MTAP: variants seen among roughly 807,000 people sequenced by gnomAD.
The protein encoded by MTAP is methylthioadenosine phosphorylase.
Under a neutral mutation model 33.6 loss-of-function variants are expected in MTAP, and 33 were observed. The observed-to-expected ratio is 0.98, with a 90% CI of 0.74 to 1.31. The LOEUF (loss-of-function observed/expected upper bound fraction) is 1.31. Ranked by LOEUF, MTAP falls within the 40% of genes most tolerant of loss-of-function variation. The pLI is 0.00. For synonymous variants in MTAP, 148 were observed against 125.7 expected, an observed-to-expected ratio of 1.18 and a Z score of -1.19; for missense variants, 367 against 360.0, an observed-to-expected ratio of 1.02 and a Z score of -0.16.
At chr9:21,831,347 T>G (rs1824961651) in intron 4 of MTAP, among the ~76,000 whole-genome samples, 1 of 152,190 alleles carries the variant, frequency 6.6e-6, no homozygotes, top group African/African-American at 2.4e-5. Flanking sequence ...ATTTTTTTGT[T>G]GTTTTTTTAG....
chr9:21,909,585 G>C (rs1818534770), intron 1 of MTAP, among the ~76,000 whole-genome samples: 1 of 152,110 alleles, frequency 6.6e-6, no homozygotes, highest in South Asian at 2.1e-4. Context: ...TTATGAATTT[G>C]TTGTGTAAGA....
intron 5 of MTAP, among the ~76,000 whole-genome samples, chr9:21,850,065 T>A (rs1825475025): frequency 6.6e-6 from 1 of 152,224 alleles, no homozygotes; most frequent in Admixed American, 6.5e-5. Context: ...TTGATCGCTT[T>A]TTGCTCCCAC....
At chr9:21,803,370 C>G (rs1428688700) in intron 1 of MTAP, 1 of 160,644 alleles carries the variant, frequency 6.2e-6, no homozygotes, top group Admixed American at 6.4e-5. Flanking sequence ...TTTTCCCCAG[C>G]AGCGTAATAC....
At chr9:21,830,284 G>C (rs1297460726) in intron 4 of MTAP, among the ~76,000 whole-genome samples, 1 of 152,206 alleles carries the variant, frequency 6.6e-6, no homozygotes, top group African/African-American at 2.4e-5. Context: ...CCTGGGCTCT[G>C]TGTGTAGTGT....
At chr9:21,835,258 G>T (rs1825077488) in intron 4 of MTAP, among the ~76,000 whole-genome samples, 1 of 152,136 alleles carries the variant, frequency 6.6e-6, no homozygotes, top group Admixed American at 6.6e-5. Flanking sequence ...TGTGAGTTTG[G>T]ATTTCAGCAT....
chr9:21,809,243 A>T (rs1230111436), intron 1 of MTAP, among the ~76,000 whole-genome samples: 1 of 152,012 alleles, frequency 6.6e-6, no homozygotes, highest in Non-Finnish European at 1.5e-5. Context: ...ATTTAATCAT[A>T]TTTGAGGTAA....
intron 4 of MTAP, among the ~76,000 whole-genome samples, chr9:21,831,658 A>C (rs903341031): frequency 2.0e-5 from 3 of 152,212 alleles, no homozygotes; most frequent in Non-Finnish European, 4.4e-5. Context: ...TCAGATGAGT[A>C]GGACTTGCTC....
chr9:21,877,644 A>G (rs1826031776), intron 1 of MTAP, among the ~76,000 whole-genome samples: 1 of 152,192 alleles, frequency 6.6e-6, no homozygotes, highest in Non-Finnish European at 1.5e-5. Flanking sequence ...ACTTCTGTTA[A>G]TGTGCTGAAT....
At chr9:21,893,454 T>C (rs1277978651) in intron 1 of MTAP, 1 of 152,106 alleles carries the variant, frequency 6.6e-6, no homozygotes, top group East Asian at 1.9e-4. Context: ...CAAACATCAA[T>C]GAAACCAAAC....
intron 1 of MTAP, among the ~76,000 whole-genome samples, chr9:21,881,060 C>G (rs955137196): frequency 6.6e-6 from 1 of 151,982 alleles, no homozygotes; most frequent in Non-Finnish European, 1.5e-5. Flanking sequence ...TAAAGACAGA[C>G]ATATTGACAA....
intron 4 of MTAP, among the ~76,000 whole-genome samples, chr9:21,824,855 G>A (rs1824746442): frequency 6.6e-6 from 1 of 152,058 alleles, no homozygotes. Flanking sequence ...TCAGGCTGCT[G>A]TGCTAGCAAT....
intron 5 of MTAP, among the ~76,000 whole-genome samples, chr9:21,852,435 G>A (rs1349638876): frequency 2.0e-5 from 3 of 151,262 alleles, no homozygotes; most frequent in Non-Finnish European, 4.4e-5. Flanking sequence ...GCTTGAACCC[G>A]TGAGGCAGAG....
chr9:21,856,136 T>A, intron 6 of MTAP: 1 of 985,056 alleles, frequency 1.0e-6, no homozygotes, highest in Non-Finnish European at 1.2e-6. Flanking sequence ...CTGTCATTTA[T>A]CTCATTTTAA....
intron 1 of MTAP, among the ~76,000 whole-genome samples, chr9:21,875,650 T>G (rs1825996409): frequency 6.6e-6 from 1 of 152,160 alleles, no homozygotes; most frequent in Non-Finnish European, 1.5e-5. Context: ...GGTATTTGGT[T>G]TTCTGTTTCT....
At chr9:21,822,644 G>C (rs1363027487) in intron 4 of MTAP, among the ~76,000 whole-genome samples, 2 of 152,152 alleles carry the variant, frequency 1.3e-5, no homozygotes, top group African/African-American at 4.8e-5. Context: ...TGTCTGTTAG[G>C]TCCGCTTGGT....
intron 1 of MTAP, chr9:21,892,762 C>G (rs1252253628): frequency 6.6e-6 from 1 of 152,212 alleles, no homozygotes; most frequent in Non-Finnish European, 1.5e-5. Flanking sequence ...AAACTTGACA[C>G]TTGAACAAAT....
chr9:21,916,696 A>C (rs1818699791), intron 1 of MTAP, among the ~76,000 whole-genome samples: 1 of 152,186 alleles, frequency 6.6e-6, no homozygotes, highest in Non-Finnish European at 1.5e-5. Flanking sequence ...TTGCATCTAC[A>C]AGCCAAGAAA....
At chr9:21,886,782 T>G (rs1261750620) in intron 1 of MTAP, among the ~76,000 whole-genome samples, 1 of 152,200 alleles carries the variant, frequency 6.6e-6, no homozygotes, top group African/African-American at 2.4e-5. Flanking sequence ...TCTATTCTGT[T>G]CCGTTGGCGT....
At position 21,895,643 on chromosome 9, in the gene MTAP, C is replaced by T. The variant is rs142157485; in HGVS notation, c.148-35365C>T. Among the ~76,000 whole-genome samples, 318 of 152,292 alleles carry T rather than the reference C, an allele frequency of 2.1e-3. 2 individuals carry two copies. Among genetic ancestry groups the T allele is most frequent in the African/African-American group, 7.1e-3 (297 of 41,546 alleles). ...GTGCTTTTCCAATGACCTTGGCAAA[C>T]GGCACACTAGGAGGTTATATCCCAT... is the stretch of plus-strand genomic sequence containing the variant. On this transcript the variant is annotated intron_variant, in intron 1 of 1. Coordinates refer to the MTAP transcript ENST00000577563.
Sources: allele counts gnomAD v4.1 joint callset (sites outside exome capture counted in the v4.1 genomes callset), GRCh38; gene constraint gnomAD v4.1.1; transcripts MANE v1.5; gene names NCBI Gene and HGNC (gene_info 2026-07-23, HGNC 2026-07-21).